EPB41L5: variants seen among roughly 807,000 people sequenced by gnomAD.
EPB41L5 encodes the protein erythrocyte membrane protein band 4.1 like 5.
A neutral mutation model predicts 106.6 loss-of-function variants in EPB41L5; 55 were observed. That is an observed-to-expected ratio of 0.52 (90% CI 0.42 to 0.65). EPB41L5 has a LOEUF of 0.65. Among genes scored for constraint, EPB41L5 ranks in the 30% least tolerant of loss-of-function variants. EPB41L5 has a pLI of 0.00. For synonymous variants in EPB41L5, 297 were observed against 306.7 expected, an observed-to-expected ratio of 0.97 and a Z score of 0.33; for missense variants, 871 against 882.1, an observed-to-expected ratio of 0.99 and a Z score of 0.16.
intron 3 of EPB41L5, among the ~76,000 whole-genome samples, chr2:120,070,781 T>C (rs1367308580): frequency 6.6e-6 from 1 of 152,154 alleles, no homozygotes. Flanking sequence ...TTGATAAAAT[T>C]CAACAGCCCT....
intron 1 of EPB41L5, among the ~76,000 whole-genome samples, chr2:120,018,682 T>C (rs1033377743): frequency 5.3e-5 from 8 of 152,138 alleles, no homozygotes; most frequent in African/African-American, 1.9e-4. Context: ...GGTCTTGCTC[T>C]GTTGCCTGAG....
intron 16 of EPB41L5, among the ~76,000 whole-genome samples, chr2:120,113,496 A>G (rs1378996692): frequency 1.3e-5 from 2 of 152,242 alleles, no homozygotes; most frequent in African/African-American, 2.4e-5. Flanking sequence ...GAACTAAGAC[A>G]TTACCAAAGC....
intron 3 of EPB41L5, among the ~76,000 whole-genome samples, chr2:120,060,424 C>T (rs1378681061): frequency 6.6e-6 from 1 of 152,088 alleles, no homozygotes; most frequent in Non-Finnish European, 1.5e-5. Context: ...TAATACTACT[C>T]AGCAATAAAA....
chr2:120,112,461 T>G (rs943177404), intron 16 of EPB41L5, among the ~76,000 whole-genome samples: 1 of 152,362 alleles, frequency 6.6e-6, no homozygotes, highest in Non-Finnish European at 1.5e-5. Context: ...TGTTCTTGGC[T>G]TCAAGAAATT....
intron 1 of EPB41L5, among the ~76,000 whole-genome samples, chr2:120,016,387 G>T (rs1236794607): frequency 1.3e-5 from 2 of 151,442 alleles, no homozygotes; most frequent in Non-Finnish European, 2.9e-5. Flanking sequence ...CCGAGATCGC[G>T]CCATTGCACT....
chr2:120,046,753 G>T (rs1679807141), intron 3 of EPB41L5, among the ~76,000 whole-genome samples: 1 of 152,078 alleles, frequency 6.6e-6, no homozygotes, highest in African/African-American at 2.4e-5. Context: ...ATCCTGAATG[G>T]TATTGCCTAG....
At chr2:120,167,815 C>G in intron 23 of EPB41L5, 62 bp from the exon 24 acceptor site, 1 of 1,593,536 alleles carries the variant, frequency 6.3e-7, no homozygotes, top group Non-Finnish European at 8.6e-7. Flanking sequence ...TGATTTGGAG[C>G]TGAAGTGCTG....
chr2:120,093,142 G>A, intron 13 of EPB41L5, 107 bp from the exon 14 acceptor site: 1 of 928,354 alleles, frequency 1.1e-6, no homozygotes, highest in South Asian at 1.3e-5. Context: ...ATTTATGGTT[G>A]TGAAACATGG....
intron 20 of EPB41L5, among the ~76,000 whole-genome samples, chr2:120,159,016 G>C (rs1687019797): frequency 6.6e-6 from 1 of 151,980 alleles, no homozygotes; most frequent in East Asian, 1.9e-4. Context: ...AAAATACCTA[G>C]GATTTTCTTG....
intron 18 of EPB41L5, among the ~76,000 whole-genome samples, chr2:120,142,128 AAAAAAAC>A (rs1686201602): frequency 2.0e-5 from 3 of 150,450 alleles, no homozygotes; most frequent in African/African-American, 7.3e-5. Context: ...AAAAAAAAAA[AAAAAAAC>A]AAGGTAAAAT....
At chr2:120,130,785 G>A (rs1488822366) in intron 17 of EPB41L5, among the ~76,000 whole-genome samples, 9 of 152,156 alleles carry the variant, frequency 5.9e-5, no homozygotes, top group Admixed American at 4.6e-4. Flanking sequence ...ACGTGTATCC[G>A]GGGCCTCCAC....
chr2:120,072,926 A>T (rs1258113978), intron 3 of EPB41L5, among the ~76,000 whole-genome samples: 1 of 76,300 alleles, frequency 1.3e-5, no homozygotes, highest in Non-Finnish European at 3.7e-5. Flanking sequence ...AACTTAAAGT[A>T]TTTAAAAAAA....
chr2:120,158,504 T>C (rs1686996596), intron 20 of EPB41L5, among the ~76,000 whole-genome samples: 1 of 152,192 alleles, frequency 6.6e-6, no homozygotes, highest in Admixed American at 6.5e-5. Flanking sequence ...ATTATCTCAA[T>C]AGATGCAGAA....
chr2:120,120,746 C>T (rs954456812), intron 16 of EPB41L5, among the ~76,000 whole-genome samples: 1 of 152,154 alleles, frequency 6.6e-6, no homozygotes, highest in African/African-American at 2.4e-5. Flanking sequence ...GGATTGAGAA[C>T]TGTAAGTTTT....
intron 16 of EPB41L5, among the ~76,000 whole-genome samples, chr2:120,109,692 C>T (rs571970396): frequency 2.2e-4 from 33 of 152,290 alleles, no homozygotes; most frequent in Non-Finnish European, 3.5e-4. Flanking sequence ...CAAAAACTTC[C>T]TAAGATAGCT....
chr2:120,174,778 A>G (rs1687860282), intron 24 of EPB41L5, 63 bp from the exon 25 acceptor site: 1 of 1,397,334 alleles, frequency 7.2e-7, no homozygotes, highest in Non-Finnish European at 1.0e-6. Context: ...ACTAATGGAG[A>G]CATGAATGTC....
chr2:120,024,284 T>G (rs1196117205), intron 2 of EPB41L5, among the ~76,000 whole-genome samples: 7 of 152,322 alleles, frequency 4.6e-5, no homozygotes, highest in Admixed American at 4.6e-4. Flanking sequence ...TTCCAGTTTT[T>G]GCCCATTCAG....
intron 21 of EPB41L5, 62 bp downstream of exon 21, chr2:120,161,036 T>A: frequency 8.4e-7 from 1 of 1,186,144 alleles, no homozygotes; most frequent in Non-Finnish European, 1.3e-6. Context: ...AATCTTGCAG[T>A]ATAACCAAGG....
intron 4 of EPB41L5, among the ~76,000 whole-genome samples, 177 bp from the exon 5 acceptor site, chr2:120,073,923 A>G (rs1682052386): frequency 6.6e-6 from 1 of 152,184 alleles, no homozygotes; most frequent in Non-Finnish European, 1.5e-5. Context: ...TAATAGTAAT[A>G]TGATGGCTTG....
Sources: allele counts gnomAD v4.1 joint callset (sites outside exome capture counted in the v4.1 genomes callset), GRCh38; gene constraint gnomAD v4.1.1; transcripts MANE v1.5; gene names NCBI Gene and HGNC (gene_info 2026-07-23, HGNC 2026-07-21).